KPNA6: variants seen among roughly 807,000 people sequenced by gnomAD.
The protein encoded by KPNA6 is importin subunit alpha-7.
Under a neutral mutation model 72.0 loss-of-function variants are expected in KPNA6, and 9 were observed. That is an observed-to-expected ratio of 0.13 (90% CI 0.08 to 0.22). The LOEUF (loss-of-function observed/expected upper bound fraction) is 0.22. KPNA6 is among the 10% of genes least tolerant of loss of function. The pLI is 1.00. For synonymous variants in KPNA6, 219 were observed against 242.1 expected (o/e 0.90, Z 0.89); for missense variants, 374 against 655.7 (o/e 0.57, Z 4.69).
intron 1 of KPNA6, among the ~76,000 whole-genome samples, chr1:32,143,637 A>G (rs1384491013): frequency 6.6e-6 from 1 of 152,012 alleles, no homozygotes; most frequent in Non-Finnish European, 1.5e-5. Flanking sequence ...AAAATTTTCA[A>G]TTTAAGTGTA....
intron 10 of KPNA6, 67 bp downstream of exon 10, chr1:32,163,380 A>G: frequency 5.2e-6 from 6 of 1,156,668 alleles, no homozygotes; most frequent in South Asian, 5.1e-5. Flanking sequence ...CTGCCAGTGG[A>G]CAAAAGCCTT....
chr1:32,167,879 C>T, intron 12 of KPNA6, among the ~76,000 whole-genome samples: 1 of 146,892 alleles, frequency 6.8e-6, no homozygotes, highest in East Asian at 2.0e-4. Flanking sequence ...CAAAAAAAAA[C>T]AAGCAAGCTG....
rs577599741 is a variant in KPNA6 at position 32,141,931 on chromosome 1, AATGT to A, written c.5-12654_5-12651del. Among the ~76,000 whole-genome samples the A allele has an allele frequency of 1.5e-3, 235 of 152,152 alleles. 1 individual carries two copies. The highest frequency in any genetic ancestry group is 5.3e-3 in the African/African-American group (220 of 41,498). Reference sequence around the variant, plus strand: ...CAGACTGGGTGGTTTAAACAACAGAAATGTATTTTCTCACAGTTCTGGAGGCTAG... The same window carrying A: ...CAGACTGGGTGGTTTAAACAACAGAAATTTTCTCACAGTTCTGGAGGCTAG... On this transcript the variant is annotated intron_variant, in intron 1 of 13. Coordinates refer to ENST00000373625, the MANE Select transcript of KPNA6 (RefSeq NM_012316.5).
At chr1:32,161,624 CA>C (rs1486618126) in intron 7 of KPNA6, among the ~76,000 whole-genome samples, 1 of 152,146 alleles carries the variant, frequency 6.6e-6, no homozygotes, top group Non-Finnish European at 1.5e-5. Context: ...CAGAGAACAC[CA>C]TTCCTTGTCC....
intron 1 of KPNA6, among the ~76,000 whole-genome samples, chr1:32,142,126 C>T (rs1227011972): frequency 1.3e-5 from 2 of 151,764 alleles, no homozygotes; most frequent in Non-Finnish European, 2.9e-5. Context: ...CGTGCTGGCC[C>T]GCACCTGTAA....
At chr1:32,169,753 C>T (rs960258836) in intron 12 of KPNA6, 129 bp from the exon 13 acceptor site, 40 of 804,908 alleles carry the variant, frequency 5.0e-5, no homozygotes, top group Non-Finnish European at 7.6e-6. Context: ...AACCACCGCG[C>T]TCGGCCTCAC....
intron 12 of KPNA6, among the ~76,000 whole-genome samples, chr1:32,169,085 C>G (rs917513822): frequency 6.6e-6 from 1 of 151,850 alleles, no homozygotes; most frequent in African/African-American, 2.4e-5. Context: ...TATCAAGGCT[C>G]AGTAAGAGCA....
chr1:32,156,574 G>T (rs1264358539), intron 2 of KPNA6, among the ~76,000 whole-genome samples: 1 of 152,192 alleles, frequency 6.6e-6, no homozygotes, highest in Non-Finnish European at 1.5e-5. Context: ...GAACAAGATA[G>T]CGTGAAACTT....
chr1:32,161,840 G>A (rs930114684), intron 7 of KPNA6, 107 bp from the exon 8 acceptor site: 5 of 785,704 alleles, frequency 6.4e-6, no homozygotes, highest in Non-Finnish European at 1.1e-5. Context: ...GGAAGAAACA[G>A]GCTGCTAGAG....
intron 1 of KPNA6, among the ~76,000 whole-genome samples, chr1:32,146,738 A>G (rs1375024277): frequency 6.6e-6 from 1 of 152,232 alleles, no homozygotes; most frequent in African/African-American, 2.4e-5. Context: ...AAACCGATGT[A>G]TAGTAATACT....
intron 11 of KPNA6, 62 bp downstream of exon 11, chr1:32,166,292 A>G: frequency 6.5e-7 from 1 of 1,547,330 alleles, no homozygotes; most frequent in Non-Finnish European, 8.7e-7. Flanking sequence ...GGTTGTTGGA[A>G]TATTTGCTTT....
At chr1:32,126,952 C>A (rs760828024) in intron 1 of KPNA6, among the ~76,000 whole-genome samples, 1 of 152,020 alleles carries the variant, frequency 6.6e-6, no homozygotes, top group African/African-American at 2.4e-5. Flanking sequence ...CCGTAACTTC[C>A]TGAAAATTTC....
Position 32,142,255 on chromosome 1 carries a change from C to CAAAA in KPNA6, c.5-12310_5-12307dup, listed in dbSNP as rs763008502. Among the ~76,000 whole-genome samples the CAAAA allele has an allele frequency of 1.2e-3, 68 of 55,296 alleles. 1 individual carries two copies. The highest frequency in any genetic ancestry group is 4.4e-3 in the African/African-American group (62 of 13,952). The allele number at this position is 55,296 out of a possible 152,430, so 36.3% of individuals were successfully genotyped here. On this transcript the variant is annotated intron_variant, in intron 1 of 13. Transcript: ENST00000373625. Reference sequence around the variant, plus strand: ...TGGGTGACAGAGCGAGACCCTGTCTCAAAAAAAAAAAAAAAAAAAAAAAAA... The same window carrying CAAAA: ...TGGGTGACAGAGCGAGACCCTGTCTCAAAAAAAAAAAAAAAAAAAAAAAAAAAAA...
chr1:32,123,317 T>C (rs556258657), intron 1 of KPNA6, among the ~76,000 whole-genome samples: 4 of 152,232 alleles, frequency 2.6e-5, no homozygotes, highest in East Asian at 3.9e-4. Flanking sequence ...GACCTTTTTT[T>C]CCCCCTAATG....
Position 32,171,550 on chromosome 1 carries a change from G to A in KPNA6, c.*656G>A, listed in dbSNP as rs1642436928. The A allele has an allele frequency of 6.6e-6, 1 of 152,238 alleles. No individual in the cohort carries two copies. The highest frequency in any genetic ancestry group is 1.5e-5 in the Non-Finnish European group (1 of 68,040). 9.4% of individuals were successfully genotyped at this position (152,238 alleles called of 1,614,324 possible). On this transcript the variant is annotated 3_prime_UTR_variant, in exon 14 of 14. Transcript: ENST00000373625. ...TAAACCCAGCTGCCTGCATTGCCTGGGACTAGAGGCTGGGGAGGCTACCAT... is the reference window on the plus strand; with the variant it reads ...TAAACCCAGCTGCCTGCATTGCCTGAGACTAGAGGCTGGGGAGGCTACCAT...
At chr1:32,119,099 C>T (rs1321103251) in intron 1 of KPNA6, among the ~76,000 whole-genome samples, 3 of 141,302 alleles carry the variant, frequency 2.1e-5, no homozygotes, top group Non-Finnish European at 4.5e-5. Flanking sequence ...TGGCCTATCT[C>T]AGCTCACTGC....
At chr1:32,145,022 G>T (rs561874814) in intron 1 of KPNA6, among the ~76,000 whole-genome samples, 1 of 147,944 alleles carries the variant, frequency 6.8e-6, no homozygotes, top group Non-Finnish European at 1.5e-5. Flanking sequence ...GCGCGATCTC[G>T]GCTCACTGCA....
chr1:32,133,705 A>G (rs1013097241), intron 1 of KPNA6, among the ~76,000 whole-genome samples: 2 of 152,028 alleles, frequency 1.3e-5, no homozygotes, highest in African/African-American at 4.8e-5. Context: ...AAAACAAAAA[A>G]GCAAAGTGCT....
chr1:32,129,013 C>A (rs1432943514), intron 1 of KPNA6, among the ~76,000 whole-genome samples: 16 of 152,138 alleles, frequency 1.1e-4, no homozygotes, highest in Admixed American at 2.0e-4. Flanking sequence ...AGAATTAGAT[C>A]TGTCTTTGTA....
Sources: gnomAD v4.1 joint callset for allele counts (sites outside exome capture counted in the v4.1 genomes callset) on GRCh38, gnomAD v4.1.1 for gene constraint, MANE v1.5 for transcripts, NCBI Gene and HGNC (gene_info 2026-07-23, HGNC 2026-07-21) for gene names.